Variants in COL9A3 observed in about 807,000 individuals in gnomAD.
COL9A3 encodes collagen type IX alpha 3 chain.
Under a neutral mutation model 110.2 loss-of-function variants are expected in COL9A3, and 82 were observed. That is an observed-to-expected ratio of 0.74 (90% confidence interval 0.62 to 0.89). COL9A3 has a LOEUF of 0.89. Among genes scored for constraint, COL9A3 ranks in the 40% least tolerant of loss-of-function variants. The probability of loss-of-function intolerance (pLI) is 0.00; values close to 1 mark genes in which losing one functional copy is unlikely to be tolerated. For synonymous variants in COL9A3, 494 were observed against 403.8 expected, an observed-to-expected ratio of 1.22 and a Z score of -2.68; for missense variants, 1,066 against 981.3, an observed-to-expected ratio of 1.09 and a Z score of -1.15.
chr20:62,821,922 C>T, intron 8 of COL9A3, 112 bp downstream of exon 8: 1 of 774,850 alleles, frequency 1.3e-6, no homozygotes, highest in Non-Finnish European at 2.3e-6. Context: ...TCCCCCAACC[C>T]CACCTTGGTG....
At chr20:62,816,577 C>G (rs190671369), upstream of COL9A3, among the ~76,000 whole-genome samples, 1 of 152,168 alleles carries the variant, frequency 6.6e-6, no homozygotes, top group South Asian at 2.1e-4. Flanking sequence ...GGGCACTGAC[C>G]GGGCCCTGGT....
At chr20:62,834,138 T>C (rs113724567) in intron 26 of COL9A3, among the ~76,000 whole-genome samples, 4,528 of 152,232 alleles carry the variant, frequency 0.03, 234 homozygotes, top group African/African-American at 0.1. Flanking sequence ...CCTCCCAAAG[T>C]GCTGGGATTA....
chr20:62,838,549 A>G (rs910510887), intron 30 of COL9A3, 135 bp from the exon 31 acceptor site: 9 of 843,358 alleles, frequency 1.1e-5, no homozygotes, highest in African/African-American at 8.4e-5. Flanking sequence ...CGCGTGTGAC[A>G]TCTGTACTTT....
chr20:62,839,617 C>T (rs771238001), intron 31 of COL9A3, among the ~76,000 whole-genome samples: 3 of 151,848 alleles, frequency 2.0e-5, no homozygotes, highest in African/African-American at 7.3e-5. Flanking sequence ...CTCCTCTCCT[C>T]CACGCACTCA....
At position 62,817,092 on chromosome 20, in the gene COL9A3, C is replaced by G. The variant is rs746142912; in HGVS notation, c.28C>G (p.Leu10Val). 2 of 1,391,968 alleles carry G rather than the reference C, an allele frequency of 1.4e-6. No individual in the cohort carries two copies. The highest frequency in any genetic ancestry group is 1.9e-6 in the Non-Finnish European group (2 of 1,066,818). 86.2% of individuals were successfully genotyped at this position (1,391,968 alleles called of 1,614,324 possible). The part of the protein sequence containing the change: MAGPRACAP[L>V]LLLLLLGELL... ...GGCCGGGCCGCGCGCGTGCGCCCCGCTCCTGCTCCTGCTCCTGCTCGGGGA... is the reference window on the plus strand; with the variant it reads ...GGCCGGGCCGCGCGCGTGCGCCCCGGTCCTGCTCCTGCTCCTGCTCGGGGA... Residue 10 changes from leucine to valine, a missense_variant, in exon 1 of 32, where the codon CTC becomes GTC. Leu to Val is a conservative substitution (Grantham distance 32, BLOSUM62 1). Coordinates refer to ENST00000649368, the MANE Select transcript of COL9A3 (RefSeq NM_001853.4).
rs754116485 is a variant in COL9A3 at position 62,836,451 on chromosome 20, C to T, written c.1549-27C>T. 1.9e-6 allele frequency: 3 copies of T among 1,613,656 alleles called. No homozygotes were observed. In the Admixed American group the frequency reaches 5.0e-5, roughly 27 times the overall value. ...CCTCACCGAGGCTGCCGCCCCCATG[C>T]TGACGAATGTGTGGGGTGAATTCCA... On this transcript the variant is annotated intron_variant, in intron 28 of 31. Coordinates refer to ENST00000649368, the MANE Select transcript of COL9A3 (RefSeq NM_001853.4).
chr20:62,830,466 G>T (rs1320493598), intron 23 of COL9A3, 51 bp from the exon 24 acceptor site: 8 of 1,589,956 alleles, frequency 5.0e-6, no homozygotes, highest in East Asian at 2.3e-5. Flanking sequence ...ACCCAGACGG[G>T]CCAGACCCGA....
chr20:62,838,224 G>A (rs980549373), intron 30 of COL9A3, among the ~76,000 whole-genome samples: 11 of 152,224 alleles, frequency 7.2e-5, no homozygotes, highest in South Asian at 4.1e-4. Context: ...GCCACTGGGC[G>A]GTTTCACTGT....
Position 62,826,214 on chromosome 20 carries a change from G to C in COL9A3, c.695G>C (p.Gly232Ala). ...PGSVGLQGPR[G>A]LRGLPGPLGP... ...GCCTCTCTCTCGCAGGGCCCCCGGG[G>C]ATTACGAGGACTGCCAGGGCCACTC... Residue 232 changes from glycine to alanine, a missense_variant, in exon 14 of 32, where the codon GGA becomes GCA. Gly to Ala is a moderately conservative substitution (Grantham distance 60). Coordinates refer to ENST00000649368, the MANE Select transcript of COL9A3 (RefSeq NM_001853.4). The C allele has an allele frequency of 6.4e-7, 1 of 1,562,354 alleles. No individual in the cohort carries two copies. The highest frequency in any genetic ancestry group is 8.7e-7 in the Non-Finnish European group (1 of 1,153,946).
chr20:62,829,068 G>A, intron 19 of COL9A3, 92 bp downstream of exon 19: 1 of 1,381,748 alleles, frequency 7.2e-7, no homozygotes, highest in Non-Finnish European at 9.9e-7. Flanking sequence ...GTCACTGTAG[G>A]GCCGACTCCC....
At chr20:62,817,542 C>A in intron 1 of COL9A3, 25 bp from the exon 2 acceptor site, 1 of 1,517,732 alleles carries the variant, frequency 6.6e-7, no homozygotes, top group South Asian at 1.2e-5. Flanking sequence ...CACCTGCGCT[C>A]CTTAATGAGT....
chr20:62,817,584 C>G lies in COL9A3; in HGVS notation c.96C>G (p.Gly32=). 1.3e-6 allele frequency: 2 copies of G among 1,511,194 alleles called. No individual in the cohort carries two copies. The highest frequency in any genetic ancestry group is 1.2e-5 in the South Asian group (1 of 80,574). The allele number at this position is 1,511,194 out of a possible 1,614,324, so 93.6% of individuals were successfully genotyped here. A position where few individuals can be genotyped will look rare whatever the true frequency, so the allele number is the denominator to read the frequency against. ...CGTTTCAGAGAGTGGGACTCCCCGG[C>G]CCCCCCGGCCCCCCAGGGCCGCCCG... ...AAGAQRVGLP[G]PPGPPGPPGK... The change falls in exon 2 of 32, where the codon GGC becomes GGG. Residue 32 remains glycine (G), a synonymous_variant. Coordinates refer to ENST00000649368, the MANE Select transcript of COL9A3 (RefSeq NM_001853.4).
chr20:62,825,533 C>T (rs866832787), intron 12 of COL9A3: 2 of 558,522 alleles, frequency 3.6e-6, no homozygotes, highest in Non-Finnish European at 6.5e-6. Context: ...CCCAGGTGCA[C>T]ATCAGAGGGG....
intron 24 of COL9A3, 82 bp from the exon 25 acceptor site, chr20:62,832,072 T>A (rs536740402): frequency 1.5e-6 from 2 of 1,370,072 alleles, no homozygotes; most frequent in East Asian, 2.3e-5. Context: ...TGGGGAGGTG[T>A]TTACCATTCC....
At chr20:62,837,008 T>C (rs1212292603) in intron 29 of COL9A3, 75 bp from the exon 30 acceptor site, 2 of 1,557,440 alleles carry the variant, frequency 1.3e-6, no homozygotes, top group African/African-American at 2.7e-5. Context: ...ACCGTGTAGA[T>C]ATTTTATGCT....
chr20:62,828,690 G>C, intron 17 of COL9A3, 74 bp from the exon 18 acceptor site: 1 of 1,528,400 alleles, frequency 6.5e-7, no homozygotes, highest in South Asian at 1.1e-5. Flanking sequence ...GAAGGAGGCT[G>C]CCCCCAGGGC....
At chr20:62,834,919 G>A (rs189772063) in intron 26 of COL9A3, among the ~76,000 whole-genome samples, 25 of 152,336 alleles carry the variant, frequency 1.6e-4, no homozygotes, top group Admixed American at 1.3e-4. Flanking sequence ...GATTACAGGC[G>A]TGAGCCACCT....
chr20:62,827,207 T>C, intron 15 of COL9A3, 34 bp from the exon 16 acceptor site: 1 of 1,612,178 alleles, frequency 6.2e-7, no homozygotes, highest in Non-Finnish European at 8.5e-7. Context: ...TCCATGGTGT[T>C]AACTCTGTCC....
At chr20:62,836,679 C>T (rs1459038598) in intron 29 of COL9A3, 147 bp downstream of exon 29, 8 of 856,700 alleles carry the variant, frequency 9.3e-6, no homozygotes, top group Non-Finnish European at 1.2e-5. Context: ...CCTTGGGGGT[C>T]CACGTCCGCC....
Sources: allele counts gnomAD v4.1 joint callset (sites outside exome capture counted in the v4.1 genomes callset), GRCh38; gene constraint gnomAD v4.1.1; transcripts MANE v1.5; gene names NCBI Gene and HGNC (gene_info 2026-07-23, HGNC 2026-07-21).